GAB2: variants seen among roughly 807,000 people sequenced by gnomAD.
The protein encoded by GAB2 is GRB2 associated binding protein 2.
Under a neutral mutation model 65.5 loss-of-function variants are expected in GAB2, and 26 were observed. The observed-to-expected ratio is 0.40, with a 90% CI of 0.29 to 0.55. The LOEUF is 0.55. Ranked by LOEUF, GAB2 falls within the 20% of genes least tolerant of loss-of-function variation. The pLI is 0.53. For synonymous variants in GAB2, 321 were observed against 329.6 expected (o/e 0.97, Z 0.28); for missense variants, 884 against 875.8 (o/e 1.01, Z -0.12).
chr11:78,331,248 CTT>C (rs200423408), intron 1 of GAB2, among the ~76,000 whole-genome samples: 4,553 of 141,860 alleles, frequency 0.032, 179 homozygotes, highest in African/African-American at 0.1. Context: ...ATTCTCCATT[CTT>C]TTTTTTTTTT....
chr11:78,284,276 A>G (rs774906241), intron 1 of GAB2, among the ~76,000 whole-genome samples: 15 of 152,198 alleles, frequency 9.9e-5, no homozygotes, highest in Non-Finnish European at 2.2e-4. Context: ...CTAGTCCACC[A>G]TTTTGTAGTC....
intron 2 of GAB2, among the ~76,000 whole-genome samples, chr11:78,251,220 G>C (rs1047677947): frequency 1.3e-5 from 2 of 152,030 alleles, no homozygotes; most frequent in Admixed American, 1.3e-4. Context: ...TTGAGGCTCT[G>C]GACTGTGCCT....
At chr11:78,341,324 A>G (rs1407035314) in intron 1 of GAB2, among the ~76,000 whole-genome samples, 3 of 152,360 alleles carry the variant, frequency 2.0e-5, no homozygotes, top group African/African-American at 7.2e-5. Context: ...TAAATGGTAA[A>G]TATCGGAGAA....
At chr11:78,269,026 C>CT (rs916943914) in intron 2 of GAB2, among the ~76,000 whole-genome samples, 1 of 146,382 alleles carries the variant, frequency 6.8e-6, no homozygotes, top group African/African-American at 2.6e-5. Flanking sequence ...TTAAAATAAC[C>CT]TTTTTTTCTT....
chr11:78,391,485 C>T (rs1194427468), intron 1 of GAB2, among the ~76,000 whole-genome samples: 1 of 152,178 alleles, frequency 6.6e-6, no homozygotes, highest in Non-Finnish European at 1.5e-5. Context: ...AAGGCCATGA[C>T]ATCTTCATCT....
At chr11:78,225,033 G>T in intron 5 of GAB2, 75 bp downstream of exon 5, 1 of 887,998 alleles carries the variant, frequency 1.1e-6, no homozygotes, top group Non-Finnish European at 1.8e-6. Context: ...TTGGGGTTGT[G>T]CTTTTAATTC....
At chr11:78,240,045 C>G (rs1865085271) in intron 3 of GAB2, among the ~76,000 whole-genome samples, 1 of 151,970 alleles carries the variant, frequency 6.6e-6, no homozygotes, top group Admixed American at 6.6e-5. Context: ...TAAAGCTAAT[C>G]CACCTGCCCC....
At chr11:78,232,993 C>T (rs938051022) in intron 3 of GAB2, among the ~76,000 whole-genome samples, 7 of 150,730 alleles carry the variant, frequency 4.6e-5, no homozygotes, top group African/African-American at 1.7e-4. Context: ...AGAGGAAACA[C>T]AGGATTAAAG....
At chr11:78,304,060 A>T (rs1855296796) in intron 1 of GAB2, among the ~76,000 whole-genome samples, 1 of 151,956 alleles carries the variant, frequency 6.6e-6, no homozygotes, top group African/African-American at 2.4e-5. Context: ...TAATTAAATT[A>T]TTTTAACAGG....
At chr11:78,235,798 T>C (rs970284810) in intron 3 of GAB2, among the ~76,000 whole-genome samples, 2 of 152,184 alleles carry the variant, frequency 1.3e-5, no homozygotes, top group African/African-American at 4.8e-5. Flanking sequence ...CACAAGTCTC[T>C]AGGAAGTTCC....
In GAB2 at chr11:78,417,669, GA is replaced by G; in HGVS notation, c.51del (p.Glu19ArgfsTer4). ...ACATAGCGCCTCAACTTCTTCTCGG[GA>G]GGCGATTTCCTCAGCCAGCCGGTGC... ...VVCTGWLRKSPPEKKLRRYAW... is the reference protein window; with the variant it reads ...VVCTGWLRKSXPEKKLRRYAW... On this transcript the variant is annotated frameshift_variant, in exon 1 of 10. Coordinates refer to ENST00000361507, the MANE Select transcript of GAB2 (RefSeq NM_080491.3). LOFTEE classifies it high-confidence loss of function. 1.4e-6 allele frequency: 2 copies of G among 1,392,322 alleles called. No individual in the cohort carries two copies. Among genetic ancestry groups the G allele is most frequent in the Non-Finnish European group, 9.5e-7 (1 of 1,050,382 alleles). 86.2% of individuals were successfully genotyped at this position (1,392,322 alleles called of 1,614,324 possible). A position where few individuals can be genotyped will look rare whatever the true frequency, so the allele number is the denominator to read the frequency against.
rs1053505961 is a variant in GAB2, at chr11:78,237,052, T to C, written c.621-10001A>G. 2.0e-5 allele frequency among the ~76,000 whole-genome samples: 3 copies of C among 152,224 alleles called. No homozygotes were observed. The East Asian group carries it at 5.8e-4, about 29-fold the overall frequency. On this transcript the variant is annotated intron_variant, in intron 3 of 9. Coordinates refer to ENST00000361507, the MANE Select transcript of GAB2 (RefSeq NM_080491.3). ...GATTTTGATAGTAGGGTTATGCTGGTCTCATAAAATGAGCTGTGAAAGAAT... is the reference window on the plus strand; with the variant it reads ...GATTTTGATAGTAGGGTTATGCTGGCCTCATAAAATGAGCTGTGAAAGAAT...
intron 2 of GAB2, among the ~76,000 whole-genome samples, chr11:78,263,259 A>G (rs565145648): frequency 1.1e-4 from 17 of 152,348 alleles, no homozygotes; most frequent in African/African-American, 3.6e-4. Flanking sequence ...TATTATTATA[A>G]GAAACCATAT....
At chr11:78,399,209 C>G (rs1050319384) in intron 1 of GAB2, among the ~76,000 whole-genome samples, 2 of 152,186 alleles carry the variant, frequency 1.3e-5, no homozygotes, top group African/African-American at 4.8e-5. Flanking sequence ...TGGCATCAAG[C>G]CTGCACCAAG....
intron 1 of GAB2, among the ~76,000 whole-genome samples, chr11:78,331,601 A>G (rs571506890): frequency 9.0e-4 from 137 of 152,236 alleles, no homozygotes; most frequent in Non-Finnish European, 1.7e-3. Flanking sequence ...TCCAAAAGAT[A>G]TAATGTGTTT....
intron 1 of GAB2, among the ~76,000 whole-genome samples, chr11:78,322,047 G>A (rs991898051): frequency 1.3e-5 from 2 of 152,028 alleles, no homozygotes; most frequent in Non-Finnish European, 2.9e-5. Context: ...GCCCACATCT[G>A]TAATCCCAGC....
chr11:78,220,451 CGAG>C lies in GAB2; in HGVS notation c.1762-10_1762-8del, dbSNP rs765426784. 2 of 1,556,930 alleles carry C rather than the reference CGAG, an allele frequency of 1.3e-6. No homozygotes were observed. Among genetic ancestry groups the C allele is most frequent in the Non-Finnish European group, 1.7e-6 (2 of 1,145,222 alleles). ...ATGCAGACACTGGGTTTTGCTGTCA[CGAG>C]GAGGAAAAAACTGTGAGTGACTGCA... On this transcript the variant is annotated splice_region_variant and splice_polypyrimidine_tract_variant and intron_variant, in intron 8 of 9. Coordinates refer to ENST00000361507, the MANE Select transcript of GAB2 (RefSeq NM_080491.3).
chr11:78,256,751 A>G (rs1459171565), intron 2 of GAB2, among the ~76,000 whole-genome samples: 1 of 152,266 alleles, frequency 6.6e-6, no homozygotes, highest in Non-Finnish European at 1.5e-5. Context: ...GCACATGCAT[A>G]AGGCATTAAT....
At chr11:78,370,113 C>T (rs972308699) in intron 1 of GAB2, among the ~76,000 whole-genome samples, 1 of 151,114 alleles carries the variant, frequency 6.6e-6, no homozygotes, top group Non-Finnish European at 1.5e-5. Context: ...AAAAATTAGC[C>T]GGGCGTAGTG....
Sources: gnomAD v4.1 joint callset for allele counts (sites outside exome capture counted in the v4.1 genomes callset) on GRCh38, gnomAD v4.1.1 for gene constraint, MANE v1.5 for transcripts, NCBI Gene and HGNC (gene_info 2026-07-23, HGNC 2026-07-21) for gene names.